The following NPAS2 variants were observed in gnomAD, a reference collection of about 807,000 sequenced individuals.
The protein encoded by NPAS2 is neuronal PAS domain-containing protein 2.
In NPAS2, 23 loss-of-function variants were observed where a neutral mutation model predicts 107.5. That is an observed-to-expected ratio of 0.21 (90% CI 0.15 to 0.30). The LOEUF (loss-of-function observed/expected upper bound fraction) is 0.30, where lower values mean the gene tolerates loss of function less well. NPAS2 is among the 10% of genes least tolerant of loss of function. The pLI is 1.00. For synonymous variants in NPAS2, 403 were observed against 417.5 expected (o/e 0.97, Z 0.42); for missense variants, 756 against 1,043.3 (o/e 0.72, Z 3.79).
At chr2:100,835,954 A>G (rs1441692714) in intron 1 of NPAS2, among the ~76,000 whole-genome samples, 2 of 152,226 alleles carry the variant, frequency 1.3e-5, no homozygotes, top group African/African-American at 4.8e-5. Flanking sequence ...CTTTTGAGTA[A>G]CAGGGTTTTC....
At chr2:100,907,796 T>C (rs1204810957) in intron 2 of NPAS2, among the ~76,000 whole-genome samples, 3 of 152,202 alleles carry the variant, frequency 2.0e-5, no homozygotes, top group Non-Finnish European at 4.4e-5. Context: ...CTTTCTTCCG[T>C]GAATTTCCAT....
intron 1 of NPAS2, among the ~76,000 whole-genome samples, chr2:100,852,345 T>C (rs1186119518): frequency 1.8e-4 from 27 of 152,014 alleles, no homozygotes; most frequent in East Asian, 3.9e-4. Context: ...TGCAGTGAGC[T>C]GAGATCGCAC....
chr2:100,864,439 G>A (rs1444803836), intron 1 of NPAS2, among the ~76,000 whole-genome samples: 1 of 152,080 alleles, frequency 6.6e-6, no homozygotes, highest in Admixed American at 6.6e-5. Flanking sequence ...TAATGGTGCT[G>A]GGTTCAGCAT....
At chr2:100,970,289 A>G (rs779593670) in intron 11 of NPAS2, among the ~76,000 whole-genome samples, 5 of 151,948 alleles carry the variant, frequency 3.3e-5, no homozygotes, top group Non-Finnish European at 5.9e-5. Context: ...TCCATCCTCC[A>G]CCTCTCAAAT....
At chr2:100,900,097 A>C (rs1681674278) in intron 1 of NPAS2, among the ~76,000 whole-genome samples, 1 of 152,188 alleles carries the variant, frequency 6.6e-6, no homozygotes, top group Non-Finnish European at 1.5e-5. Context: ...AAGGTTGATA[A>C]ATTAGACTTT....
chr2:100,867,110 C>T (rs6741758), intron 1 of NPAS2, among the ~76,000 whole-genome samples: 6,012 of 152,050 alleles, frequency 0.04, 234 homozygotes, highest in African/African-American at 0.098. Context: ...CCTAAAACAG[C>T]GTCTTCCTAA....
At chr2:100,821,498 T>TA (rs1302270717) in intron 1 of NPAS2, among the ~76,000 whole-genome samples, 6 of 152,172 alleles carry the variant, frequency 3.9e-5, no homozygotes, top group African/African-American at 1.4e-4. Context: ...TAAATTAACT[T>TA]AATCAGCAGA....
intron 7 of NPAS2, among the ~76,000 whole-genome samples, chr2:100,963,416 T>TTTGTTTTGTTTTGTTTTGTTTTGTTTTG (rs367674055): frequency 5.9e-5 from 9 of 152,098 alleles, no homozygotes; most frequent in African/African-American, 1.9e-4. Flanking sequence ...TTTGTTTTGT[T>TTTGTTTTGTTTTGTTTTGTTTTGTTTTG]TTGTTTGGAG....
upstream of NPAS2, among the ~76,000 whole-genome samples, chr2:100,819,744 C>T (rs1266840770): frequency 2.0e-5 from 3 of 152,016 alleles, no homozygotes; most frequent in African/African-American, 4.8e-5. The surrounding 1 kb of genome is among the most constrained non-coding windows in gnomAD (Gnocchi z 5.8). Flanking sequence ...GGCTGGCAGC[C>T]TCTAGTCCAC....
intron 4 of NPAS2, among the ~76,000 whole-genome samples, chr2:100,933,857 G>A (rs1006372445): frequency 2.6e-5 from 4 of 152,228 alleles, no homozygotes; most frequent in African/African-American, 9.6e-5. Context: ...GCAAAAGGAA[G>A]TTAGACGCTG....
At chr2:100,873,275 CATATATATATATATATATAT>C (rs376842348) in intron 1 of NPAS2, among the ~76,000 whole-genome samples, 4 of 77,206 alleles carry the variant, frequency 5.2e-5, no homozygotes, top group African/African-American at 1.6e-4. Context: ...AAAAAAAATA[CATATATATATATATATATAT>C]ATATATATAT....
chr2:100,913,186 T>A (rs1298541158), intron 2 of NPAS2, among the ~76,000 whole-genome samples: 2 of 152,164 alleles, frequency 1.3e-5, no homozygotes, highest in African/African-American at 4.8e-5. Flanking sequence ...GGGCAAGAAG[T>A]CACTCTTCAG....
chr2:100,964,402 A>G (rs1676093479), intron 8 of NPAS2, among the ~76,000 whole-genome samples: 1 of 152,194 alleles, frequency 6.6e-6, no homozygotes, highest in African/African-American at 2.4e-5. Context: ...TTCAGCCCGC[A>G]GAAGTGCTGT....
At chr2:100,898,256 T>C (rs754677703) in intron 1 of NPAS2, among the ~76,000 whole-genome samples, 7 of 152,134 alleles carry the variant, frequency 4.6e-5, no homozygotes, top group Non-Finnish European at 8.8e-5. Flanking sequence ...AGACGGAATC[T>C]TGCTGTGTTG....
chr2:100,890,168 T>A (rs1476801182), intron 1 of NPAS2, among the ~76,000 whole-genome samples: 1 of 152,132 alleles, frequency 6.6e-6, no homozygotes, highest in African/African-American at 2.4e-5. Flanking sequence ...CAAGGTCACG[T>A]CTCTGAGGGT....
chr2:100,853,628 T>A (rs1678358835), intron 1 of NPAS2, among the ~76,000 whole-genome samples: 1 of 152,196 alleles, frequency 6.6e-6, no homozygotes, highest in South Asian at 2.1e-4. Context: ...GGAGGCCAGT[T>A]AGATCCTGTA....
chr2:100,821,938 T>C (rs1461032686), intron 1 of NPAS2, among the ~76,000 whole-genome samples: 4 of 152,254 alleles, frequency 2.6e-5, no homozygotes. Context: ...CTCTCAGCAG[T>C]CTACTTAAAT....
At chr2:100,894,111 G>T (rs1681255416) in intron 1 of NPAS2, among the ~76,000 whole-genome samples, 1 of 152,250 alleles carries the variant, frequency 6.6e-6, no homozygotes, top group Non-Finnish European at 1.5e-5. Flanking sequence ...CCATTTGCCA[G>T]GGGCCAGAAT....
chr2:100,902,945 C>T (rs562232814), intron 1 of NPAS2, among the ~76,000 whole-genome samples: 2 of 152,304 alleles, frequency 1.3e-5, no homozygotes, highest in African/African-American at 4.8e-5. Context: ...GGGTGTAGAG[C>T]ATCCAGGTTT....
Sources: allele counts gnomAD v4.1 joint callset (sites outside exome capture counted in the v4.1 genomes callset), GRCh38; gene constraint gnomAD v4.1.1; non-coding constraint Gnocchi (gnomAD v3.1); transcripts MANE v1.5; gene names NCBI Gene and HGNC (gene_info 2026-07-23, HGNC 2026-07-21).